The following ADARB2 variants were observed in gnomAD, a reference collection of about 807,000 sequenced individuals.
The protein encoded by ADARB2 is adenosine deaminase RNA specific B2 (inactive).
A neutral mutation model predicts 62.2 loss-of-function variants in ADARB2; 25 were observed. The observed-to-expected ratio is 0.40, with a 90% CI of 0.29 to 0.56. The LOEUF (loss-of-function observed/expected upper bound fraction) is 0.56. Ranked by LOEUF, ADARB2 falls within the 20% of genes least tolerant of loss-of-function variation. The probability of loss-of-function intolerance (pLI) is 0.43; values close to 1 mark genes in which losing one functional copy is unlikely to be tolerated. For synonymous variants in ADARB2, 572 were observed against 500.8 expected (o/e 1.14, Z -1.90); for missense variants, 1,071 against 1,077.4 (o/e 0.99, Z 0.08).
intron 4 of ADARB2, among the ~76,000 whole-genome samples, chr10:1,270,298 G>A (rs748258786): frequency 2.0e-5 from 3 of 152,190 alleles, no homozygotes; most frequent in Non-Finnish European, 4.4e-5. Context: ...TAATCCAAAG[G>A]TCAGTTACTA....
chr10:1,403,099 C>T (rs182281961), intron 1 of ADARB2, among the ~76,000 whole-genome samples: 125 of 152,296 alleles, frequency 8.2e-4, no homozygotes, highest in Non-Finnish European at 1.5e-3. Context: ...TGGAAGCAGC[C>T]GGAGGTGGGG....
chr10:1,215,147 TG>T (rs1837217215), intron 7 of ADARB2, among the ~76,000 whole-genome samples: 1 of 152,090 alleles, frequency 6.6e-6, no homozygotes, highest in Non-Finnish European at 1.5e-5. Context: ...TCCAGCCCCT[TG>T]GGTTTTGTGG....
rs565209474 is a variant in ADARB2 at position 1,278,429 on chromosome 10, C to G, written c.1078-7360G>C. ...TAGTTAGTTTCTCAACCCCCTCCCTCCCCACCAGTATTCCCCAGTGTCTGC... is the reference window on the plus strand; with the variant it reads ...TAGTTAGTTTCTCAACCCCCTCCCTGCCCACCAGTATTCCCCAGTGTCTGC... On this transcript the variant is annotated intron_variant, in intron 3 of 9. Transcript: ENST00000381312. Among the ~76,000 whole-genome samples, 750 of 151,386 alleles carry G rather than the reference C, an allele frequency of 5.0e-3. 8 individuals carry two copies. The highest frequency in any genetic ancestry group is 0.017 in the African/African-American group (701 of 41,248).
chr10:1,267,608 C>CT (rs915468494), intron 4 of ADARB2, among the ~76,000 whole-genome samples: 7 of 151,958 alleles, frequency 4.6e-5, no homozygotes, highest in African/African-American at 9.7e-5. Flanking sequence ...CTTCCTCTTT[C>CT]TTTTTTTTCA....
Position 1,244,602 on chromosome 10 carries a change from C to T in ADARB2, c.1193-2303G>A, listed in dbSNP as rs141788541. ...ATTCAGTTTTCATGATTCTCACCCC[C>T]ACCGCCAGCACCACGTTCCCAACAC... On this transcript the variant is annotated intron_variant, in intron 4 of 9. Coordinates refer to ENST00000381312, the MANE Select transcript of ADARB2 (RefSeq NM_018702.4). Among the ~76,000 whole-genome samples the T allele has an allele frequency of 8.7e-4, 133 of 152,362 alleles. 1 individual carries two copies. The East Asian group carries it at 0.02, about 23-fold the overall frequency.
At chr10:1,668,471 A>G (rs1834339799) in intron 1 of ADARB2, among the ~76,000 whole-genome samples, 1 of 152,118 alleles carries the variant, frequency 6.6e-6, no homozygotes, top group South Asian at 2.1e-4. Context: ...AGCATCTACA[A>G]AGCTTGGATT....
chr10:1,619,930 A>G (rs969268455), intron 1 of ADARB2, among the ~76,000 whole-genome samples: 1 of 152,206 alleles, frequency 6.6e-6, no homozygotes, highest in Non-Finnish European at 1.5e-5. Context: ...TAGAAATTAA[A>G]CAATATACTT....
At chr10:1,619,746 T>C (rs1179656320) in intron 1 of ADARB2, among the ~76,000 whole-genome samples, 1 of 152,142 alleles carries the variant, frequency 6.6e-6, no homozygotes, top group Non-Finnish European at 1.5e-5. Context: ...CACCATTCCC[T>C]GCCCACATAT....
intron 1 of ADARB2, among the ~76,000 whole-genome samples, chr10:1,498,934 C>T (rs1215573857): frequency 5.3e-5 from 8 of 151,982 alleles, no homozygotes; most frequent in African/African-American, 1.2e-4. Flanking sequence ...CATCATTCAT[C>T]GCTCACTCAT....
chr10:1,250,181 T>C (rs578136132), intron 4 of ADARB2, among the ~76,000 whole-genome samples: 2 of 151,962 alleles, frequency 1.3e-5, no homozygotes, highest in East Asian at 3.9e-4. Flanking sequence ...GCAATGGTGC[T>C]TTGTTTTGGA....
At position 1,475,399 on chromosome 10, in the gene ADARB2, T is replaced by C. The variant is rs565826757; in HGVS notation, c.101-96239A>G. Among the ~76,000 whole-genome samples the C allele has an allele frequency of 5.3e-5, 8 of 152,348 alleles. No individual in the cohort carries two copies. The South Asian group carries it at 1.7e-3, about 32-fold the overall frequency. ...GACGGGAAGGCAGGGGCCTTCACTC[T>C]CTTGCTTTCTGTCCCTGAGCAGCAC... On this transcript the variant is annotated intron_variant, in intron 1 of 9. Transcript: ENST00000381312.
chr10:1,413,365 G>C (rs1832775131), intron 1 of ADARB2, among the ~76,000 whole-genome samples: 1 of 152,170 alleles, frequency 6.6e-6, no homozygotes, highest in Non-Finnish European at 1.5e-5. Flanking sequence ...TCGCAGAATG[G>C]AGGCAGAGTT....
chr10:1,489,703 C>T (rs946242900), intron 1 of ADARB2, among the ~76,000 whole-genome samples: 7 of 152,164 alleles, frequency 4.6e-5, no homozygotes, highest in African/African-American at 7.2e-5. Flanking sequence ...AAGACGAACT[C>T]TGAACTTCTC....
chr10:1,420,906 G>C (rs1408381851), intron 1 of ADARB2, among the ~76,000 whole-genome samples: 1 of 152,150 alleles, frequency 6.6e-6, no homozygotes, highest in Non-Finnish European at 1.5e-5. Flanking sequence ...CCGGCAAGTA[G>C]AGAAGACGGA....
intron 1 of ADARB2, among the ~76,000 whole-genome samples, chr10:1,585,412 C>T (rs1334734845): frequency 1.3e-5 from 2 of 152,150 alleles, no homozygotes; most frequent in East Asian, 1.9e-4. Flanking sequence ...ATGCTTCCCT[C>T]GTGATTTGCC....
At chr10:1,568,776 G>A (rs1185185137) in intron 1 of ADARB2, among the ~76,000 whole-genome samples, 1 of 150,832 alleles carries the variant, frequency 6.6e-6, no homozygotes, top group Non-Finnish European at 1.5e-5. Flanking sequence ...AAACTTCTGT[G>A]TGCATATATC....
chr10:1,271,013 C>A lies in ADARB2; in HGVS notation c.1134G>T (p.Thr378=), dbSNP rs376318692. 59 of 1,613,750 alleles carry A rather than the reference C, an allele frequency of 3.7e-5. No individual in the cohort carries two copies. In the South Asian group the frequency reaches 6.0e-4, roughly 17 times the overall value. ...LVTQKFREVT[T]DLTPMHARHK... Reference sequence around the variant, plus strand: ...GGCGGGCGTGCATGGGCGTGAGGTCCGTCGTCACCTCGCGGAACTTCTGTG... The same window carrying A: ...GGCGGGCGTGCATGGGCGTGAGGTCAGTCGTCACCTCGCGGAACTTCTGTG... Residue 378 remains threonine, a synonymous_variant, in exon 4 of 10, where the codon ACG becomes ACT. Transcript: ENST00000381312.
intron 1 of ADARB2, among the ~76,000 whole-genome samples, chr10:1,697,185 G>T (rs1370469143): frequency 6.6e-6 from 1 of 152,034 alleles, no homozygotes; most frequent in East Asian, 1.9e-4. Flanking sequence ...CTGTGGGTCT[G>T]GTTATTTGCC....
At chr10:1,243,844 G>A (rs977008350) in intron 4 of ADARB2, among the ~76,000 whole-genome samples, 4 of 152,292 alleles carry the variant, frequency 2.6e-5, no homozygotes, top group South Asian at 2.1e-4. Context: ...AGCAGCCCCC[G>A]TTTCTGTGCC....
Sources: gnomAD v4.1 joint callset for allele counts (sites outside exome capture counted in the v4.1 genomes callset) on GRCh38, gnomAD v4.1.1 for gene constraint, MANE v1.5 for transcripts, NCBI Gene and HGNC (gene_info 2026-07-23, HGNC 2026-07-21) for gene names.